Variants in LRP2 observed in about 807,000 individuals in gnomAD.
LRP2 encodes the protein low-density lipoprotein receptor-related protein 2.
Under a neutral mutation model 531.0 loss-of-function variants are expected in LRP2, and 172 were observed. The observed-to-expected ratio is 0.32, with a 90% CI of 0.29 to 0.37. The LOEUF (loss-of-function observed/expected upper bound fraction) is 0.37. Ranked by LOEUF, LRP2 falls within the 10% of genes least tolerant of loss-of-function variation. LRP2 has a pLI of 1.00. For synonymous variants in LRP2, 1,992 were observed against 2,027.6 expected, an observed-to-expected ratio of 0.98 and a Z score of 0.47; for missense variants, 5,167 against 5,868.3, an observed-to-expected ratio of 0.88 and a Z score of 3.90.
chr2:169,338,368 G>GAAAGA (rs1685469397), intron 1 of LRP2, among the ~76,000 whole-genome samples: 1 of 99,456 alleles, frequency 1.0e-5, no homozygotes, highest in East Asian at 3.8e-4. Context: ...AGGAAAGAAA[G>GAAAGA]AAAGAAAGAA....
intron 16 of LRP2, among the ~76,000 whole-genome samples, chr2:169,267,142 G>A (rs541049821): frequency 4.8e-4 from 72 of 151,476 alleles, no homozygotes; most frequent in East Asian, 3.9e-4. Flanking sequence ...CTCCCGTCTC[G>A]GTTCCCAAAA....
At chr2:169,160,708 T>C (rs1187564244) in intron 63 of LRP2, among the ~76,000 whole-genome samples, 2 of 108,530 alleles carry the variant, frequency 1.8e-5, no homozygotes, top group Non-Finnish European at 3.9e-5. Context: ...TGCTACTAAT[T>C]AAATGCCATT....
At chr2:169,278,435 G>T (rs1398840689) in intron 12 of LRP2, among the ~76,000 whole-genome samples, 3 of 151,912 alleles carry the variant, frequency 2.0e-5, no homozygotes, top group Non-Finnish European at 4.4e-5. Flanking sequence ...GGCACGCTGT[G>T]ATTGTGCTGC....
At chr2:169,154,025 G>A (rs1686240354) in intron 66 of LRP2, among the ~76,000 whole-genome samples, 2 of 152,140 alleles carry the variant, frequency 1.3e-5, no homozygotes, top group South Asian at 4.1e-4. Context: ...AGAGTAACAT[G>A]TGCCATAAAA....
At chr2:169,306,703 C>T (rs201818164) in intron 4 of LRP2, among the ~76,000 whole-genome samples, 1 of 82,778 alleles carries the variant, frequency 1.2e-5, no homozygotes, top group Non-Finnish European at 2.2e-5. Flanking sequence ...TTACCTGTTA[C>T]TAGATAATGA....
intron 76 of LRP2, among the ~76,000 whole-genome samples, chr2:169,134,832 GA>G (rs1482077486): frequency 6.6e-6 from 1 of 152,150 alleles, no homozygotes; most frequent in Non-Finnish European, 1.5e-5. Context: ...TTTACTTCCA[GA>G]GGAAGCTGGA....
intron 48 of LRP2, among the ~76,000 whole-genome samples, chr2:169,189,653 T>C (rs1687762699): frequency 1.3e-5 from 2 of 152,078 alleles, no homozygotes; most frequent in South Asian, 4.1e-4. Context: ...GGAAAAATGA[T>C]CTCCTGTCCC....
chr2:169,186,554 A>G lies in LRP2; in HGVS notation c.9329-535T>C, dbSNP rs191344234. 2.0e-5 allele frequency among the ~76,000 whole-genome samples: 3 copies of G among 152,358 alleles called. No individual in the cohort carries two copies. The East Asian group carries it at 5.8e-4, about 29-fold the overall frequency. ...TACAGAGGGAGGACAGCAAGTTCTT[A>G]TTAGTTCTCTACTCATCAAGGAGCA... is the stretch of plus-strand genomic sequence containing the variant. On this transcript the variant is annotated intron_variant, in intron 49 of 78. Transcript: ENST00000649046.
chr2:169,153,924 T>C (rs1378555415), intron 66 of LRP2, among the ~76,000 whole-genome samples: 1 of 152,214 alleles, frequency 6.6e-6, no homozygotes, highest in Non-Finnish European at 1.5e-5. Context: ...CTGCTAGGCA[T>C]TTAGAGATAA....
At chr2:169,188,295 G>A (rs1292767623) in intron 48 of LRP2, 30 bp from the exon 49 acceptor site, 5 of 1,611,906 alleles carry the variant, frequency 3.1e-6, no homozygotes, top group Non-Finnish European at 3.4e-6. Flanking sequence ...ACCACTTTCA[G>A]AGAGGTTGGC....
At chr2:169,176,702 T>C (rs924905156) in intron 53 of LRP2, 114 bp from the exon 54 acceptor site, 2 of 880,048 alleles carry the variant, frequency 2.3e-6, no homozygotes, top group African/African-American at 3.3e-5. Flanking sequence ...AAAAAAAAAC[T>C]ATCCTAGATT....
chr2:169,186,079 G>A, intron 49 of LRP2, 60 bp from the exon 50 acceptor site: 1 of 1,469,508 alleles, frequency 6.8e-7, no homozygotes, highest in South Asian at 1.1e-5. Context: ...TCACTATAAT[G>A]GTTCAAAGTC....
At chr2:169,196,766 G>A in intron 46 of LRP2, 145 bp downstream of exon 46, 2 of 1,084,690 alleles carry the variant, frequency 1.8e-6, no homozygotes, top group South Asian at 1.3e-5. Flanking sequence ...TATCCGCTGA[G>A]CGGTGTCAGC....
chr2:169,322,308 A>G (rs1684929198), intron 1 of LRP2, among the ~76,000 whole-genome samples: 4 of 152,216 alleles, frequency 2.6e-5, no homozygotes, highest in South Asian at 4.1e-4. Context: ...TGTTCATGGA[A>G]TGTTCAAATC....
intron 46 of LRP2, among the ~76,000 whole-genome samples, chr2:169,196,234 G>C (rs368648646): frequency 6.6e-6 from 1 of 152,334 alleles, no homozygotes; most frequent in East Asian, 1.9e-4. Flanking sequence ...TATAAAGACA[G>C]GCAACTGGCC....
At chr2:169,278,323 A>G (rs536108649) in intron 12 of LRP2, among the ~76,000 whole-genome samples, 31 of 152,220 alleles carry the variant, frequency 2.0e-4, no homozygotes, top group Non-Finnish European at 3.5e-4. Context: ...CATCTCTACA[A>G]AAATTAAAAG....
rs116018950 is a variant in LRP2, at chr2:169,207,691, T to C, written c.6470-441A>G. Among the ~76,000 whole-genome samples the C allele has an allele frequency of 9.5e-3, 1,445 of 152,302 alleles. 23 individuals carry two copies. Among genetic ancestry groups the C allele is most frequent in the African/African-American group, 0.033 (1,369 of 41,568 alleles). On this transcript the variant is annotated intron_variant, in intron 38 of 78. Coordinates refer to ENST00000649046, the MANE Select transcript of LRP2 (RefSeq NM_004525.3). ...CAGCAGCATCTCAGGTTGTTATTAA[T>C]GTTATCAAATGGTCTTTGAACTTAA...
At position 169,247,417 on chromosome 2, in the gene LRP2, T is replaced by G. The variant is rs886055089; in HGVS notation, c.2869A>C (p.Ile957Leu). Residue 957 changes from isoleucine to leucine, a missense_variant, in exon 20 of 79, where the codon ATA becomes CTA. Transcript: ENST00000649046. ...ACATCATACGATTTCAAATGCAGTA[T>G]GTAAGCAATGCCACTTCGGATAACT... ...MTVIRSGIAY[I>L]LHLKSYDVNI... is the part of the protein sequence containing the mutation. The G allele has an allele frequency of 6.2e-7, 1 of 1,614,196 alleles. No homozygotes were observed. Among genetic ancestry groups the G allele is most frequent in the Non-Finnish European group, 8.5e-7 (1 of 1,180,022 alleles).
chr2:169,244,306 T>C (rs1336020226), intron 22 of LRP2, among the ~76,000 whole-genome samples: 1 of 152,250 alleles, frequency 6.6e-6, no homozygotes, highest in African/African-American at 2.4e-5. Context: ...GATGTCTTTT[T>C]GCTTGTACCA....
Sources: gnomAD v4.1 joint callset for allele counts (sites outside exome capture counted in the v4.1 genomes callset) on GRCh38, gnomAD v4.1.1 for gene constraint, MANE v1.5 for transcripts, NCBI Gene and HGNC (gene_info 2026-07-23, HGNC 2026-07-21) for gene names.